ACADSB: variants seen among roughly 807,000 people sequenced by gnomAD.
The protein encoded by ACADSB is short/branched chain specific acyl-CoA dehydrogenase, mitochondrial.
Under a neutral mutation model 54.1 loss-of-function variants are expected in ACADSB, and 40 were observed. The ratio of observed to expected loss-of-function variants is 0.74; its 90% CI spans 0.57 to 0.96. The LOEUF (loss-of-function observed/expected upper bound fraction) is 0.96. Among genes scored for constraint, ACADSB ranks in the 40% least tolerant of loss-of-function variants. The pLI, the probability that ACADSB is intolerant of heterozygous loss-of-function variation, is 0.00. For synonymous variants in ACADSB, 182 were observed against 182.8 expected, an observed-to-expected ratio of 1.00 and a Z score of 0.03; for missense variants, 530 against 510.4, an observed-to-expected ratio of 1.04 and a Z score of -0.37.
chr10:123,023,715 C>G (rs1589734157), intron 1 of ACADSB, among the ~76,000 whole-genome samples: 1 of 152,218 alleles, frequency 6.6e-6, no homozygotes, highest in Admixed American at 6.5e-5. Context: ...GAGCATCCCT[C>G]GCTAACCAGG....
At chr10:123,041,548 A>G (rs969838207) in intron 5 of ACADSB, among the ~76,000 whole-genome samples, 169 bp downstream of exon 5, 1 of 152,142 alleles carries the variant, frequency 6.6e-6, no homozygotes, top group Non-Finnish European at 1.5e-5. Flanking sequence ...TTAATCTCCT[A>G]AAGTAAATAT....
At chr10:123,037,653 A>G in intron 2 of ACADSB, 94 bp from the exon 3 acceptor site, 1 of 855,252 alleles carries the variant, frequency 1.2e-6, no homozygotes, top group Non-Finnish European at 2.0e-6. Context: ...ACCTGTGTAT[A>G]TTTTAACTTA....
chr10:123,029,107 G>T (rs557858040), intron 1 of ACADSB, among the ~76,000 whole-genome samples: 90 of 152,164 alleles, frequency 5.9e-4, no homozygotes, highest in African/African-American at 2.1e-3. Context: ...AGCACTTTGG[G>T]AGGCCAAGGT....
rs1269242953 is a variant in ACADSB, at chr10:123,009,024, G to C, written c.-6G>C. The C allele has an allele frequency of 1.9e-6, 3 of 1,547,978 alleles. No individual in the cohort carries two copies. The highest frequency in any genetic ancestry group is 2.6e-6 in the Non-Finnish European group (3 of 1,146,830). The stretch of plus-strand genomic sequence containing the variant: ...GAGGCGCAGAGCGGAGAGGCCTGCG[G>C]CGAGGATGGAGGGCCTGGCAGTGCG... On this transcript the variant is annotated 5_prime_UTR_variant, in exon 1 of 11. Coordinates refer to ENST00000358776, the MANE Select transcript of ACADSB (RefSeq NM_001609.4).
At chr10:123,043,460 T>C (rs1441133161) in intron 6 of ACADSB, among the ~76,000 whole-genome samples, 3 of 152,246 alleles carry the variant, frequency 2.0e-5, no homozygotes, top group Non-Finnish European at 4.4e-5. Flanking sequence ...TTTATAAGCT[T>C]GAGACTTGTG....
rs1850718666 is a variant in ACADSB, at chr10:123,057,087, G to A, written c.*3322G>A. On this transcript the variant is annotated 3_prime_UTR_variant, in exon 11 of 11. Transcript: ENST00000358776. ...GGCCTTGGACATCTTTAATTTCTGC[G>A]ATTATGTGAAAGAGGTGGACTTTAC... The A allele has an allele frequency of 6.6e-6, 1 of 152,608 alleles. No homozygotes were observed. The highest frequency in any genetic ancestry group is 1.5e-5 in the Non-Finnish European group (1 of 68,050). The allele number at this position is 152,608 out of a possible 1,614,324, so 9.5% of individuals were successfully genotyped here. A position where few individuals can be genotyped will look rare whatever the true frequency, so the allele number is the denominator to read the frequency against.
rs1282393669 is a variant in ACADSB at position 123,057,462 on chromosome 10, T to C, written c.*3697T>C. 6.6e-6 allele frequency: 1 copy of C among 152,220 alleles called. No homozygotes were observed. Among genetic ancestry groups the C allele is most frequent in the African/African-American group, 2.4e-5 (1 of 41,456 alleles). The allele number at this position is 152,220 out of a possible 1,614,324, so 9.4% of individuals were successfully genotyped here. On this transcript the variant is annotated 3_prime_UTR_variant, in exon 11 of 11. Coordinates refer to ENST00000358776, the MANE Select transcript of ACADSB (RefSeq NM_001609.4). ...TTTATAGCTTTTCTTCTGATAACCA[T>C]GACTTCAGGAGCTTTAAAACTATCT...
At chr10:123,030,341 C>T (rs1850308906) in intron 1 of ACADSB, among the ~76,000 whole-genome samples, 1 of 152,052 alleles carries the variant, frequency 6.6e-6, no homozygotes, top group African/African-American at 2.4e-5. Flanking sequence ...GCCTGGCCAA[C>T]ACAGTGAAAC....
chr10:123,050,534 G>T (rs1850615524), intron 8 of ACADSB, among the ~76,000 whole-genome samples: 1 of 152,188 alleles, frequency 6.6e-6, no homozygotes, highest in Non-Finnish European at 1.5e-5. Context: ...CAAACATTTA[G>T]TATGGACCTA....
intron 1 of ACADSB, among the ~76,000 whole-genome samples, chr10:123,027,809 T>C (rs1850275479): frequency 6.6e-6 from 1 of 152,208 alleles, no homozygotes; most frequent in African/African-American, 2.4e-5. Context: ...ACACTGGGAT[T>C]ATTCCCACAA....
intron 2 of ACADSB, among the ~76,000 whole-genome samples, chr10:123,037,461 T>A (rs1264671333): frequency 6.6e-6 from 1 of 152,190 alleles, no homozygotes; most frequent in Admixed American, 6.5e-5. Context: ...CACCTTTGGG[T>A]AGAGTGGAAA....
At chr10:123,009,207 T>G in intron 1 of ACADSB, 136 bp downstream of exon 1, 2 of 1,013,828 alleles carry the variant, frequency 2.0e-6, no homozygotes, top group Non-Finnish European at 2.9e-6. Context: ...CCAGACTCTT[T>G]ACCCGCGGGC....
At chr10:123,014,146 GCTCT>G (rs946576429) in intron 1 of ACADSB, among the ~76,000 whole-genome samples, 2 of 152,020 alleles carry the variant, frequency 1.3e-5, no homozygotes, top group Non-Finnish European at 2.9e-5. Flanking sequence ...GCCTTCTCTT[GCTCT>G]CTCTTTCTCT....
Position 123,053,699 on chromosome 10 carries a change from G to T in ACADSB, c.1233G>T (p.Thr411=), listed in dbSNP as rs755167353. The change falls in exon 11 of 11, where the codon ACG becomes ACT. Residue 411 remains threonine, a synonymous_variant. Transcript: ENST00000358776. ...EKYFRDAKIG[T]IYEGASNIQL... is the part of the protein sequence containing the mutation. ...TTCTGCTTCCTTTTGCTTAAGGTAC[G>T]ATATATGAAGGAGCTTCCAACATCC... 8.1e-6 allele frequency: 13 copies of T among 1,613,450 alleles called. No individual in the cohort carries two copies. The highest frequency in any genetic ancestry group is 1.1e-5 in the Non-Finnish European group (13 of 1,179,410).
chr10:123,027,930 A>G (rs1850276512), intron 1 of ACADSB, among the ~76,000 whole-genome samples: 1 of 152,220 alleles, frequency 6.6e-6, no homozygotes, highest in Admixed American at 6.5e-5. Context: ...TGATCTGACC[A>G]GATCCTGCCA....
intron 1 of ACADSB, among the ~76,000 whole-genome samples, chr10:123,014,527 A>G (rs1319138854): frequency 6.6e-6 from 1 of 152,220 alleles, no homozygotes; most frequent in East Asian, 1.9e-4. Flanking sequence ...TAGGCAGAAC[A>G]CATTACCAAT....
At chr10:123,027,490 AG>A (rs1850270487) in intron 1 of ACADSB, 1 of 454,398 alleles carries the variant, frequency 2.2e-6, no homozygotes, top group African/African-American at 2.0e-5. Flanking sequence ...TGTGTTTATC[AG>A]GGTTTCCACT....
intron 1 of ACADSB, among the ~76,000 whole-genome samples, chr10:123,017,215 T>C (rs1049824604): frequency 1.3e-5 from 2 of 152,228 alleles, no homozygotes; most frequent in African/African-American, 4.8e-5. Context: ...AAAATAGAAG[T>C]GAGTGTCTTG....
intron 8 of ACADSB, among the ~76,000 whole-genome samples, chr10:123,048,341 T>C (rs1850587282): frequency 6.6e-6 from 1 of 152,196 alleles, no homozygotes; most frequent in African/African-American, 2.4e-5. Flanking sequence ...CAGCCCATGC[T>C]GTCATTCCCA....
Sources: gnomAD v4.1 joint callset for allele counts (sites outside exome capture counted in the v4.1 genomes callset) on GRCh38, gnomAD v4.1.1 for gene constraint, MANE v1.5 for transcripts, NCBI Gene and HGNC (gene_info 2026-07-23, HGNC 2026-07-21) for gene names.